KDR: variants seen among roughly 807,000 people sequenced by gnomAD.
The protein encoded by KDR is kinase insert domain receptor.
KDR carries 43 observed loss-of-function variants against 160.9 expected under a neutral mutation model. The observed-to-expected ratio is 0.27, with a 90% CI of 0.21 to 0.34. The LOEUF is 0.34. Ranked by LOEUF, KDR falls within the 10% of genes least tolerant of loss-of-function variation. The probability of loss-of-function intolerance (pLI) is 1.00; values close to 1 mark genes in which losing one functional copy is unlikely to be tolerated. For synonymous variants in KDR, 617 were observed against 600.1 expected, an observed-to-expected ratio of 1.03 and a Z score of -0.41; for missense variants, 1,469 against 1,666.4, an observed-to-expected ratio of 0.88 and a Z score of 2.06.
At chr4:55,116,025 G>A (rs963017262) in intron 3 of KDR, among the ~76,000 whole-genome samples, 1 of 152,166 alleles carries the variant, frequency 6.6e-6, no homozygotes, top group African/African-American at 2.4e-5. Flanking sequence ...CTAAAACCAT[G>A]TTTAATTGTT....
chr4:55,124,846 G>C (rs1720989764), intron 1 of KDR, among the ~76,000 whole-genome samples: 1 of 152,112 alleles, frequency 6.6e-6, no homozygotes, highest in South Asian at 2.1e-4. Context: ...CTAGGATGTT[G>C]CGCGCAGCCA....
intron 22 of KDR, chr4:55,092,238 C>T (rs1349974955): frequency 3.4e-6 from 1 of 293,706 alleles, no homozygotes; most frequent in African/African-American, 2.2e-5. Context: ...TTTATTTCCC[C>T]ATAGCATTTA....
rs761483205 is a variant in KDR, at chr4:55,089,741, T to C, written c.3254A>G (p.Gln1085Arg). 6.2e-6 allele frequency: 10 copies of C among 1,614,164 alleles called. No homozygotes were observed. The South Asian group carries it at 7.7e-5, about 12-fold the overall frequency. The change falls in exon 24 of 30, where the codon CAG becomes CGG. Residue 1085 changes from glutamine (Q) to arginine (R), a missense_variant. This residue lies in a region of KDR where 132 missense variants were observed against 195.9 expected (regional missense o/e 0.67). Coordinates refer to ENST00000263923, the MANE Select transcript of KDR (RefSeq NM_002253.4). ...ETIFDRVYTI[Q>R]SDVWSFGVLL... ...AACACCAAAAGACCAGACGTCACTC[T>C]GGATTGTGTACACTCTGTCAAAAAT...
At chr4:55,121,807 C>T (rs1217320567) in intron 1 of KDR, among the ~76,000 whole-genome samples, 1 of 152,142 alleles carries the variant, frequency 6.6e-6, no homozygotes, top group Non-Finnish European at 1.5e-5. Flanking sequence ...CAATTCCACA[C>T]ATACATGCAT....
intron 2 of KDR, among the ~76,000 whole-genome samples, chr4:55,120,581 A>T (rs57404606): frequency 0.014 from 2,082 of 152,296 alleles, 35 homozygotes; most frequent in African/African-American, 0.042. Context: ...CAGTAATATT[A>T]CCCACTAAAT....
intron 24 of KDR, 79 bp downstream of exon 24, chr4:55,089,612 A>G (rs1719956804): frequency 1.4e-6 from 2 of 1,398,018 alleles, no homozygotes; most frequent in Non-Finnish European, 2.0e-6. Context: ...CCTGATAGAC[A>G]TGAAGTACAG....
rs998542737 is a variant in KDR, at chr4:55,106,588, G to A, written c.1536+99C>T. 4.3e-6 allele frequency: 4 copies of A among 929,112 alleles called. No individual in the cohort carries two copies. In the Admixed American group the frequency reaches 7.1e-5, roughly 17 times the overall value. The allele number at this position is 929,112 out of a possible 1,614,324, so 57.6% of individuals were successfully genotyped here. On this transcript the variant is annotated intron_variant, in intron 11 of 29. Transcript: ENST00000263923. Reference sequence around the variant, plus strand: ...TTAATACGCTCTATTTAATCATCCAGACTATTTGATTATTAATCTCCAATA... The same window carrying A: ...TTAATACGCTCTATTTAATCATCCAAACTATTTGATTATTAATCTCCAATA...
intron 22 of KDR, 82 bp from the exon 23 acceptor site, chr4:55,090,160 AAATCCCAC>A: frequency 6.5e-7 from 1 of 1,543,780 alleles, no homozygotes; most frequent in Non-Finnish European, 8.9e-7. Flanking sequence ...CATCAAAAAA[AAATCCCAC>A]ATCAGAAAGC....
chr4:55,116,817 G>A (rs1321867359), intron 3 of KDR, among the ~76,000 whole-genome samples: 1 of 152,190 alleles, frequency 6.6e-6, no homozygotes, highest in Non-Finnish European at 1.5e-5. Flanking sequence ...AATGGGGTCA[G>A]AAGACTAGGG....
At chr4:55,125,114 G>T in intron 1 of KDR, 113 bp downstream of exon 1, 1 of 991,674 alleles carries the variant, frequency 1.0e-6, no homozygotes, top group Non-Finnish European at 1.6e-6. Flanking sequence ...ATCGCAAAAT[G>T]TCAAGTCCTG....
At chr4:55,084,609 G>A (rs1560512236) in intron 27 of KDR, among the ~76,000 whole-genome samples, 1 of 152,196 alleles carries the variant, frequency 6.6e-6, no homozygotes, top group Non-Finnish European at 1.5e-5. Context: ...AGATGAGGGA[G>A]TCAAGGATTA....
At chr4:55,092,294 T>C (rs907688363) in intron 22 of KDR, 3 of 372,566 alleles carry the variant, frequency 8.1e-6, no homozygotes, top group Admixed American at 7.6e-5. Context: ...TATTGCTTAT[T>C]GTTTGCTCTA....
intron 7 of KDR, among the ~76,000 whole-genome samples, chr4:55,111,504 A>T (rs754121860): frequency 6.6e-6 from 1 of 152,118 alleles, no homozygotes; most frequent in African/African-American, 2.4e-5. Flanking sequence ...CCAGAAGCAG[A>T]TCACCTCTCA....
At chr4:55,108,605 C>T (rs1443767632) in intron 9 of KDR, among the ~76,000 whole-genome samples, 2 of 152,170 alleles carry the variant, frequency 1.3e-5, no homozygotes, top group Admixed American at 6.5e-5. Context: ...AACCCAAACA[C>T]GTAAACCACC....
At chr4:55,115,452 T>C (rs1720711997) in intron 3 of KDR, 41 bp from the exon 4 acceptor site, 8 of 1,125,000 alleles carry the variant, frequency 7.1e-6, no homozygotes, top group Non-Finnish European at 1.1e-5. Context: ...TAATAGTATT[T>C]ACTAGAAAAG....
chr4:55,090,416 G>T (rs964080094), intron 22 of KDR, among the ~76,000 whole-genome samples: 1 of 152,174 alleles, frequency 6.6e-6, no homozygotes. Flanking sequence ...GGTTTAAAAC[G>T]TGTTATTCTA....
intron 18 of KDR, chr4:55,096,613 G>A (rs1032168835): frequency 6.2e-6 from 3 of 484,320 alleles, no homozygotes; most frequent in South Asian, 2.3e-5. Flanking sequence ...TACATCTGCA[G>A]TGGAATCATG....
rs1035887590 is a variant in KDR at position 55,113,211 on chromosome 4, G to C, written c.976+93C>G. The C allele has an allele frequency of 1.6e-5, 21 of 1,350,672 alleles. No homozygotes were observed. In the African/African-American group the frequency reaches 2.3e-4, roughly 15 times the overall value. The allele number at this position is 1,350,672 out of a possible 1,614,324, so 83.7% of individuals were successfully genotyped here. A position where few individuals can be genotyped will look rare whatever the true frequency, so the allele number is the denominator to read the frequency against. ...CAAGAAAAACTAGAAACTATCTTCTGAATGAACAAAATAGGAATCACTAAG... is the reference window on the plus strand; with the variant it reads ...CAAGAAAAACTAGAAACTATCTTCTCAATGAACAAAATAGGAATCACTAAG... On this transcript the variant is annotated intron_variant, in intron 7 of 29. Coordinates refer to ENST00000263923, the MANE Select transcript of KDR (RefSeq NM_002253.4).
rs1391380389 is a variant in KDR, at chr4:55,080,094, C to G, written c.3918G>C (p.Gln1306His). ...SEGSNQTSGY[Q>H]SGYHSDDTDT... ...CTGTGTCATCGGAGTGATATCCGGACTGGTAGCCGCTTGTCTGGTTTGAGC... is the reference window on the plus strand; with the variant it reads ...CTGTGTCATCGGAGTGATATCCGGAGTGGTAGCCGCTTGTCTGGTTTGAGC... Residue 1306 changes from glutamine to histidine, a missense_variant, in exon 30 of 30, where the codon CAG becomes CAC. Around this residue, in one of 7 missense-constraint regions of KDR, gnomAD observed 229 missense variants for 197.8 expected, o/e 1.16. Transcript: ENST00000263923. The G allele has an allele frequency of 1.2e-6, 2 of 1,614,124 alleles. No homozygotes were observed. Among genetic ancestry groups the G allele is most frequent in the Non-Finnish European group, 1.7e-6 (2 of 1,180,046 alleles).
Sources: allele counts gnomAD v4.1 joint callset (sites outside exome capture counted in the v4.1 genomes callset), GRCh38; gene constraint gnomAD v4.1.1; regional missense constraint gnomAD v4.1.1; transcripts MANE v1.5; gene names NCBI Gene and HGNC (gene_info 2026-07-23, HGNC 2026-07-21).